RNF115: variants seen among roughly 807,000 people sequenced by gnomAD.
RNF115 encodes the protein ring finger protein 115.
Under a neutral mutation model 39.2 loss-of-function variants are expected in RNF115, and 31 were observed. The ratio of observed to expected loss-of-function variants is 0.79; its 90% CI spans 0.59 to 1.07. The LOEUF is 1.07. RNF115 is among the 50% of genes least tolerant of loss of function. The pLI is 0.00. For missense variants in RNF115, 384 were observed against 381.7 expected (o/e 1.01, Z -0.05); for synonymous variants, 124 against 131.0 (o/e 0.95, Z 0.37).
chr1:145,768,577 A>C (rs993165922), intron 4 of RNF115, among the ~76,000 whole-genome samples: 1 of 152,144 alleles, frequency 6.6e-6, no homozygotes, highest in Non-Finnish European at 1.5e-5. Context: ...CGGCCTCCCA[A>C]AGTGCTGATT....
At position 145,746,164 on chromosome 1, in the gene RNF115, T is replaced by C. The variant is rs1553711717; in HGVS notation, c.*702A>G. The C allele has an allele frequency of 6.6e-6, 1 of 151,074 alleles. No individual in the cohort carries two copies. Among genetic ancestry groups the C allele is most frequent in the East Asian group, 2.0e-4 (1 of 5,118 alleles). The allele number at this position is 151,074 out of a possible 1,614,324, so 9.4% of individuals were successfully genotyped here. ...TCGCTTGAACTCAGGAGGCAGAGTT[T>C]GCAATGAGCCAAGATCGTGCCACTG... On this transcript the variant is annotated 3_prime_UTR_variant, in exon 9 of 9. Coordinates refer to ENST00000582693, the MANE Select transcript of RNF115 (RefSeq NM_014455.4).
intron 1 of RNF115, among the ~76,000 whole-genome samples, chr1:145,794,046 G>A (rs782168005): frequency 6.6e-6 from 1 of 151,970 alleles, no homozygotes; most frequent in Admixed American, 6.6e-5. Context: ...GTTTCGCCAC[G>A]ATGGCCAGGC....
At chr1:145,793,105 G>C (rs1553719225) in intron 1 of RNF115, among the ~76,000 whole-genome samples, 3 of 152,312 alleles carry the variant, frequency 2.0e-5, no homozygotes, top group African/African-American at 7.2e-5. Context: ...GATTGCTAGA[G>C]CTCAGGAGTT....
In RNF115 at chr1:145,771,907, A is replaced by C; in HGVS notation, c.232T>G (p.Leu78Val). 3 of 1,613,816 alleles carry C rather than the reference A, an allele frequency of 1.9e-6. No individual in the cohort carries two copies. Among genetic ancestry groups the C allele is most frequent in the Non-Finnish European group, 1.7e-6 (2 of 1,179,866 alleles). The change falls in exon 4 of 9, where the codon TTG becomes GTG. Residue 78 changes from leucine (L) to valine (V), a missense_variant. Leu to Val is a conservative substitution (Grantham distance 32). Transcript: ENST00000582693. The stretch of plus-strand genomic sequence containing the variant: ...TCTTGAAAAAACATCGTGTGATCCA[A>C]ATGGCCCCAAAGCTAGTAAAGACCA... ...TTHFAELWGH[L>V]DHTMFFQDFR...
At chr1:145,793,057 G>A (rs1462108691) in intron 1 of RNF115, among the ~76,000 whole-genome samples, 1 of 152,154 alleles carries the variant, frequency 6.6e-6, no homozygotes, top group Non-Finnish European at 1.5e-5. Context: ...GGTGGCTCAC[G>A]CCTATAATCT....
Position 145,742,717 on chromosome 1 carries a change from T to C in RNF115, c.*4149A>G, listed in dbSNP as rs1265150568. 6.6e-6 allele frequency: 1 copy of C among 152,204 alleles called. No individual in the cohort carries two copies. The highest frequency in any genetic ancestry group is 1.9e-4 in the East Asian group (1 of 5,202). 9.4% of individuals were successfully genotyped at this position (152,204 alleles called of 1,614,324 possible). A position where few individuals can be genotyped will look rare whatever the true frequency, so the allele number is the denominator to read the frequency against. ...CTCTATTTACACATATATACATATA[T>C]AAAAATGTGCAATACAAAGACATAA... On this transcript the variant is annotated 3_prime_UTR_variant, in exon 9 of 9. Transcript: ENST00000582693.
chr1:145,748,453 C>T (rs950282736), intron 7 of RNF115, among the ~76,000 whole-genome samples: 1 of 152,140 alleles, frequency 6.6e-6, no homozygotes, highest in South Asian at 2.1e-4. Context: ...AACATCTTCC[C>T]AATGTGTGAC....
intron 1 of RNF115, among the ~76,000 whole-genome samples, chr1:145,805,931 A>G (rs776132849): frequency 7.9e-5 from 12 of 152,232 alleles, no homozygotes; most frequent in Non-Finnish European, 1.3e-4. Context: ...AAGGGCTGAC[A>G]ACAGTTGCAA....
Position 145,739,474 on chromosome 1 carries a change from T to C in RNF115, c.*7392A>G, listed in dbSNP as rs1330534563. On this transcript the variant is annotated 3_prime_UTR_variant, in exon 9 of 9. Transcript: ENST00000582693. ...GTCTTGAACCTCAAACTAAGGATTTTAGACTGTATCCCATGGAGATAAAAG... is the reference window on the plus strand; with the variant it reads ...GTCTTGAACCTCAAACTAAGGATTTCAGACTGTATCCCATGGAGATAAAAG... The C allele has an allele frequency of 6.6e-6, 1 of 152,184 alleles. No individual in the cohort carries two copies. The highest frequency in any genetic ancestry group is 1.5e-5 in the Non-Finnish European group (1 of 68,044). 9.4% of individuals were successfully genotyped at this position (152,184 alleles called of 1,614,324 possible). A position where few individuals can be genotyped will look rare whatever the true frequency, so the allele number is the denominator to read the frequency against.
At position 145,795,016 on chromosome 1, in the gene RNF115, CA is replaced by C. The variant is rs782249648; in HGVS notation, c.103-6051del. Among the ~76,000 whole-genome samples the C allele has an allele frequency of 2.1e-3, 163 of 78,292 alleles. 1 individual carries two copies. The highest frequency in any genetic ancestry group is 8.3e-3 in the Middle Eastern group (1 of 120). The allele number at this position is 78,292 out of a possible 152,430, so 51.4% of individuals were successfully genotyped here. A position where few individuals can be genotyped will look rare whatever the true frequency, so the allele number is the denominator to read the frequency against. ...TGGGTGACAGAGCGAGACTCCATTTCAAAAAAAAAAAAAAAAAAAAAGATAG... is the reference window on the plus strand; with the variant it reads ...TGGGTGACAGAGCGAGACTCCATTTCAAAAAAAAAAAAAAAAAAAAGATAG... On this transcript the variant is annotated intron_variant, in intron 1 of 8. Transcript: ENST00000582693.
chr1:145,814,652 C>T (rs764458648), intron 1 of RNF115, among the ~76,000 whole-genome samples: 8 of 151,860 alleles, frequency 5.3e-5, no homozygotes, highest in Non-Finnish European at 1.0e-4. Flanking sequence ...GGTACTTCCC[C>T]CGAAAATACA....
At chr1:145,808,684 C>G (rs1649566431) in intron 1 of RNF115, among the ~76,000 whole-genome samples, 1 of 152,048 alleles carries the variant, frequency 6.6e-6, no homozygotes, top group Non-Finnish European at 1.5e-5. Flanking sequence ...ATCAGCAATC[C>G]AAATAACTAA....
intron 4 of RNF115, among the ~76,000 whole-genome samples, chr1:145,767,766 C>T (rs1220066558): frequency 6.6e-6 from 1 of 152,272 alleles, no homozygotes; most frequent in East Asian, 1.9e-4. Flanking sequence ...CGGTTAGCAG[C>T]TGGAGACCAG....
chr1:145,805,046 T>TA (rs1322243200), intron 1 of RNF115, among the ~76,000 whole-genome samples: 103 of 148,476 alleles, frequency 6.9e-4, no homozygotes, highest in East Asian at 1.6e-3. Context: ...GTATAAATAT[T>TA]AAAAAAAAAA....
At chr1:145,747,294 G>A (rs1490539109) in intron 8 of RNF115, among the ~76,000 whole-genome samples, 1 of 152,100 alleles carries the variant, frequency 6.6e-6, no homozygotes, top group African/African-American at 2.4e-5. Flanking sequence ...ATGACAGGAG[G>A]GTAACTGCCC....
intron 4 of RNF115, among the ~76,000 whole-genome samples, chr1:145,758,914 T>G (rs1472751886): frequency 6.6e-6 from 1 of 152,202 alleles, no homozygotes; most frequent in Non-Finnish European, 1.5e-5. Context: ...AAATCTTTTC[T>G]TGTTAAAGCT....
In RNF115 at chr1:145,748,129, C is replaced by T. The variant is rs782381217; in HGVS notation, c.668-19G>A. 1.9e-6 allele frequency: 3 copies of T among 1,552,334 alleles called. No homozygotes were observed. The highest frequency in any genetic ancestry group is 2.7e-5 in the African/African-American group (2 of 73,656). ...CCCATATCTGTTGAAGAAGGAAATG[C>T]CTTTTAAAGTAAACAGGCAAAAGGA... On this transcript the variant is annotated intron_variant, in intron 7 of 8. Coordinates refer to ENST00000582693, the MANE Select transcript of RNF115 (RefSeq NM_014455.4).
chr1:145,751,625 T>C (rs1658094107), intron 5 of RNF115, 115 bp from the exon 6 acceptor site: 1 of 585,256 alleles, frequency 1.7e-6, no homozygotes, highest in East Asian at 3.1e-5. Flanking sequence ...AAGTCACTAG[T>C]CCTCCAGGAT....
intron 1 of RNF115, among the ~76,000 whole-genome samples, chr1:145,800,100 T>C (rs1368179024): frequency 1.3e-5 from 2 of 152,220 alleles, no homozygotes; most frequent in African/African-American, 4.8e-5. Flanking sequence ...AAGTTTGTTT[T>C]AAGTTACAAC....
Sources: gnomAD v4.1 joint callset for allele counts (sites outside exome capture counted in the v4.1 genomes callset) on GRCh38, gnomAD v4.1.1 for gene constraint, MANE v1.5 for transcripts, NCBI Gene and HGNC (gene_info 2026-07-23, HGNC 2026-07-21) for gene names.